PRKN: variants seen among roughly 807,000 people sequenced by gnomAD.
The protein encoded by PRKN is parkin RBR E3 ubiquitin protein ligase.
A neutral mutation model predicts 59.5 loss-of-function variants in PRKN; 56 were observed. That is an observed-to-expected ratio of 0.94 (90% CI 0.76 to 1.18). PRKN has a LOEUF of 1.18. Ranked by LOEUF, PRKN falls within the 50% of genes most tolerant of loss-of-function variation. The probability of loss-of-function intolerance (pLI) is 0.00; values close to 1 mark genes in which losing one functional copy is unlikely to be tolerated. For synonymous variants in PRKN, 250 were observed against 222.1 expected (o/e 1.13, Z -1.12); for missense variants, 657 against 596.4 (o/e 1.10, Z -1.06).
chr6:161,945,695 G>A (rs1271927853), intron 6 of PRKN, among the ~76,000 whole-genome samples: 1 of 152,116 alleles, frequency 6.6e-6, no homozygotes, highest in African/African-American at 2.4e-5. Flanking sequence ...CACCATCACT[G>A]ATAATGTTCT....
Position 161,417,907 on chromosome 6 carries a change from G to A in PRKN, c.1084-31030C>T, listed in dbSNP as rs1183184332. On this transcript the variant is annotated intron_variant, in intron 9 of 11. Coordinates refer to ENST00000366898, the MANE Select transcript of PRKN (RefSeq NM_004562.3). The surrounding 1 kb of genome is among the most constrained non-coding windows in gnomAD (Gnocchi z 5.4). ...ACTTTCCACTCCAAACCTAGACGCA[G>A]ACTCAGTGGCCCACCCAGGGGCATG... Among the ~76,000 whole-genome samples, 1 of 152,202 alleles carries A rather than the reference G, an allele frequency of 6.6e-6. No homozygotes were observed. The highest frequency in any genetic ancestry group is 2.4e-5 in the African/African-American group (1 of 41,440).
intron 3 of PRKN, among the ~76,000 whole-genome samples, chr6:162,255,974 A>G (rs919083827): frequency 1.3e-5 from 2 of 152,186 alleles, no homozygotes; most frequent in South Asian, 2.1e-4. Context: ...GAGTTTAATT[A>G]TCATGCACAG....
chr6:161,759,341 G>A (rs1305565856), intron 7 of PRKN, among the ~76,000 whole-genome samples: 10 of 151,932 alleles, frequency 6.6e-5, no homozygotes, highest in East Asian at 1.9e-4. Context: ...TAGGTCAGTT[G>A]GTAGAATGCA....
chr6:161,714,867 T>C (rs1447121488), intron 7 of PRKN, among the ~76,000 whole-genome samples: 1 of 152,138 alleles, frequency 6.6e-6, no homozygotes, highest in Non-Finnish European at 1.5e-5. Flanking sequence ...AAGACACATA[T>C]CAGTGTTTAC....
intron 1 of PRKN, among the ~76,000 whole-genome samples, chr6:162,555,855 G>T (rs9365461): frequency 0.3 from 45,048 of 151,614 alleles, 7,108 homozygotes; most frequent in East Asian, 0.49. Context: ...GCTGGGTGTG[G>T]TGGTGTATGC....
At chr6:161,382,068 C>T (rs1048413261) in intron 10 of PRKN, among the ~76,000 whole-genome samples, 2 of 135,848 alleles carry the variant, frequency 1.5e-5, no homozygotes, top group African/African-American at 2.8e-5. Context: ...GCCAAGATAG[C>T]GCCATTGTAG....
At chr6:161,806,470 T>C (rs1451356826) in intron 6 of PRKN, among the ~76,000 whole-genome samples, 1 of 152,146 alleles carries the variant, frequency 6.6e-6, no homozygotes, top group Non-Finnish European at 1.5e-5. Context: ...CAGTCAGACT[T>C]ACAAGCCAGA....
intron 6 of PRKN, among the ~76,000 whole-genome samples, chr6:161,891,773 C>G (rs1260309124): frequency 3.3e-5 from 5 of 152,142 alleles, no homozygotes; most frequent in African/African-American, 1.2e-4. Context: ...TCTGAGCCAC[C>G]TATGGAGAAA....
chr6:161,403,226 C>T (rs1429147027), intron 9 of PRKN, among the ~76,000 whole-genome samples: 7 of 152,104 alleles, frequency 4.6e-5, no homozygotes, highest in Admixed American at 1.3e-4. Context: ...TAGAATACTG[C>T]CCCTTTTTCT....
chr6:161,619,024 CA>C lies in PRKN; in HGVS notation c.872-49609del, dbSNP rs1383129200. Among the ~76,000 whole-genome samples the C allele has an allele frequency of 2.6e-5, 4 of 152,204 alleles. No homozygotes were observed. In the East Asian group the frequency reaches 7.7e-4, roughly 29 times the overall value. Reference sequence around the variant, plus strand: ...AGCAGCAGTTTTCGGCAGAGGGCAGCAGATGCTCTTCACTTGGAAGAGACAG... The same window carrying C: ...AGCAGCAGTTTTCGGCAGAGGGCAGCGATGCTCTTCACTTGGAAGAGACAG... On this transcript the variant is annotated intron_variant, in intron 7 of 11. Coordinates refer to ENST00000366898, the MANE Select transcript of PRKN (RefSeq NM_004562.3).
At chr6:161,930,228 A>T (rs892274805) in intron 6 of PRKN, among the ~76,000 whole-genome samples, 1 of 152,226 alleles carries the variant, frequency 6.6e-6, no homozygotes, top group Admixed American at 6.5e-5. Flanking sequence ...TGGATGAATG[A>T]TTGCTACATT....
chr6:162,091,107 C>T (rs988693161), intron 4 of PRKN, among the ~76,000 whole-genome samples: 11 of 91,876 alleles, frequency 1.2e-4, no homozygotes, highest in African/African-American at 5.6e-4. Context: ...ATTTCTCTTG[C>T]TATCCTTTTT....
chr6:161,374,928 C>T (rs937407594), intron 10 of PRKN, among the ~76,000 whole-genome samples: 1 of 152,068 alleles, frequency 6.6e-6, no homozygotes, highest in Non-Finnish European at 1.5e-5. Context: ...TCCTGAAACC[C>T]CTCTGGAATC....
At chr6:161,564,994 T>C (rs1780587395) in intron 8 of PRKN, among the ~76,000 whole-genome samples, 2 of 152,318 alleles carry the variant, frequency 1.3e-5, no homozygotes, top group South Asian at 4.2e-4. Context: ...TCAACCCTTC[T>C]AGTACTCAAA....
intron 4 of PRKN, among the ~76,000 whole-genome samples, chr6:162,094,599 C>T (rs1779653304): frequency 6.6e-6 from 1 of 152,020 alleles, no homozygotes; most frequent in Non-Finnish European, 1.5e-5. Flanking sequence ...ATTTGAAGGA[C>T]TTTGAATGTT....
chr6:162,527,969 T>C (rs1212627860), intron 1 of PRKN, among the ~76,000 whole-genome samples: 1 of 150,804 alleles, frequency 6.6e-6, no homozygotes, highest in Non-Finnish European at 1.5e-5. Context: ...AAGAGACAGC[T>C]CAGTCTTCAG....
At chr6:161,358,366 G>A (rs61046460) in intron 11 of PRKN, among the ~76,000 whole-genome samples, 37,479 of 151,808 alleles carry the variant, frequency 0.25, 5,234 homozygotes, top group African/African-American at 0.39. Context: ...TCCCAGCTTG[G>A]CTTTGGGAGG....
chr6:161,977,546 T>G lies in PRKN; in HGVS notation c.619-4129A>C, dbSNP rs1383817524. ...TCTCTACTTTCTGTTTTTTTGGTTTTTTTTTTTTTTTTTTTTTTTAAGACA... is the reference window on the plus strand; with the variant it reads ...TCTCTACTTTCTGTTTTTTTGGTTTGTTTTTTTTTTTTTTTTTTTAAGACA... On this transcript the variant is annotated intron_variant, in intron 5 of 11. Coordinates refer to ENST00000366898, the MANE Select transcript of PRKN (RefSeq NM_004562.3). Among the ~76,000 whole-genome samples the G allele has an allele frequency of 9.9e-4, 145 of 146,100 alleles. 1 individual carries two copies. Among genetic ancestry groups the G allele is most frequent in the African/African-American group, 3.5e-3 (137 of 39,312 alleles).
In PRKN at chr6:161,880,644, C is replaced by T. The variant is rs190025002; in HGVS notation, c.734+92658G>A. ...TGGCTGCTCCTGGCTTGGTCTCCAC[C>T]GGCCATGGGAAGCCAGCTTTTCCTA... On this transcript the variant is annotated intron_variant, in intron 6 of 11. Coordinates refer to ENST00000366898, the MANE Select transcript of PRKN (RefSeq NM_004562.3). 2.8e-4 allele frequency among the ~76,000 whole-genome samples: 43 copies of T among 152,262 alleles called. No homozygotes were observed. In the East Asian group the frequency reaches 7.2e-3, roughly 25 times the overall value.
Sources: gnomAD v4.1 joint callset for allele counts (sites outside exome capture counted in the v4.1 genomes callset) on GRCh38, gnomAD v4.1.1 for gene constraint, Gnocchi (gnomAD v3.1) non-coding constraint, MANE v1.5 for transcripts, NCBI Gene and HGNC (gene_info 2026-07-23, HGNC 2026-07-21) for gene names.